PDS5B: variants seen among roughly 807,000 people sequenced by gnomAD.
PDS5B encodes the protein sister chromatid cohesion protein PDS5 homolog B.
PDS5B carries 51 observed loss-of-function variants against 184.1 expected under a neutral mutation model. The observed-to-expected ratio is 0.28, with a 90% CI of 0.22 to 0.35. The LOEUF is 0.35. Among genes scored for constraint, PDS5B ranks in the 10% least tolerant of loss-of-function variants. The pLI, the probability that PDS5B is intolerant of heterozygous loss-of-function variation, is 1.00. For synonymous variants in PDS5B, 566 were observed against 569.2 expected (o/e 0.99, Z 0.08); for missense variants, 1,180 against 1,723.3 (o/e 0.68, Z 5.58).
chr13:32,688,185 A>G (rs1951449582), intron 12 of PDS5B, among the ~76,000 whole-genome samples: 1 of 123,758 alleles, frequency 8.1e-6, no homozygotes, highest in African/African-American at 2.8e-5. Flanking sequence ...TTATACAGAT[A>G]AAGAAAAAAT....
chr13:32,681,573 G>A (rs779929058), intron 10 of PDS5B, among the ~76,000 whole-genome samples: 2 of 151,702 alleles, frequency 1.3e-5, no homozygotes, highest in East Asian at 3.9e-4. Flanking sequence ...GCAGTAAGCC[G>A]AGAGATCGCG....
intron 10 of PDS5B, among the ~76,000 whole-genome samples, chr13:32,679,404 C>T (rs993511242): frequency 2.0e-5 from 3 of 152,054 alleles, no homozygotes; most frequent in Non-Finnish European, 4.4e-5. Flanking sequence ...GAGCACAGGC[C>T]AAGGTGGGCA....
chr13:32,646,800 C>T (rs1566280332), intron 1 of PDS5B, among the ~76,000 whole-genome samples: 1 of 152,044 alleles, frequency 6.6e-6, no homozygotes, highest in Non-Finnish European at 1.5e-5. Context: ...TAAATACTTA[C>T]ACCTCTTAGT....
chr13:32,719,393 C>T (rs953533892), intron 19 of PDS5B, among the ~76,000 whole-genome samples: 13 of 152,084 alleles, frequency 8.5e-5, no homozygotes, highest in Admixed American at 2.0e-4. Context: ...ATGTTGCCCA[C>T]GCTGGTCTTG....
At chr13:32,668,409 A>C (rs760210690) in intron 7 of PDS5B, among the ~76,000 whole-genome samples, 4 of 152,154 alleles carry the variant, frequency 2.6e-5, no homozygotes, top group African/African-American at 4.8e-5. Context: ...CCCCAAATCT[A>C]CTTACTTATG....
chr13:32,595,516 T>G (rs1311848993), intron 1 of PDS5B, among the ~76,000 whole-genome samples: 1 of 152,140 alleles, frequency 6.6e-6, no homozygotes, highest in Non-Finnish European at 1.5e-5. Context: ...AACCACATAC[T>G]TAAACAAATA....
Position 32,770,645 on chromosome 13 carries a change from C to T in PDS5B, c.4065-9C>T. On this transcript the variant is annotated splice_polypyrimidine_tract_variant and intron_variant, in intron 32 of 34. Coordinates refer to ENST00000315596, the MANE Select transcript of PDS5B (RefSeq NM_015032.4). ...GATGCTATCCACATTTGGGTCTTCC[C>T]CAAAGCAGAGCAGAATCTCCTGAAT... The T allele has an allele frequency of 1.2e-6, 2 of 1,607,842 alleles. No individual in the cohort carries two copies. The highest frequency in any genetic ancestry group is 1.7e-6 in the Non-Finnish European group (2 of 1,177,806).
intron 19 of PDS5B, among the ~76,000 whole-genome samples, chr13:32,719,289 C>A (rs745464402): frequency 1.8e-4 from 28 of 152,032 alleles, no homozygotes; most frequent in Non-Finnish European, 2.9e-4. Flanking sequence ...CTCAATCAGT[C>A]CCCCCACCTC....
intron 1 of PDS5B, among the ~76,000 whole-genome samples, chr13:32,605,010 T>C (rs978964863): frequency 1.3e-5 from 2 of 152,172 alleles, no homozygotes; most frequent in South Asian, 2.1e-4. Context: ...TTTGTTGATC[T>C]TTTCAAAAAA....
chr13:32,613,825 G>A (rs2058178784), intron 1 of PDS5B, among the ~76,000 whole-genome samples: 1 of 152,100 alleles, frequency 6.6e-6, no homozygotes, highest in Non-Finnish European at 1.5e-5. Context: ...AGGGTTGTAA[G>A]GATTTAAATC....
intron 7 of PDS5B, among the ~76,000 whole-genome samples, chr13:32,669,277 G>GT (rs1322611651): frequency 9.5e-4 from 137 of 144,428 alleles, no homozygotes; most frequent in African/African-American, 1.0e-3. Flanking sequence ...TGCCAAGCCA[G>GT]TTTTTTTTTT....
intron 14 of PDS5B, among the ~76,000 whole-genome samples, chr13:32,696,453 T>G (rs996522868): frequency 6.6e-6 from 1 of 152,060 alleles, no homozygotes; most frequent in African/African-American, 2.4e-5. Flanking sequence ...ACATCTTAAT[T>G]GTCTTTCTCC....
chr13:32,611,503 CT>C (rs35825698), intron 1 of PDS5B, among the ~76,000 whole-genome samples: 2,002 of 110,810 alleles, frequency 0.018, 29 homozygotes, highest in African/African-American at 0.053. Flanking sequence ...TTGGTTAAAA[CT>C]TTTTTTTTTT....
rs1474151532 is a variant in PDS5B at position 32,586,766 on chromosome 13, G to T, written c.-20+173G>T. On this transcript the variant is annotated intron_variant, in intron 1 of 34. Transcript: ENST00000315596. Reference sequence around the variant, plus strand: ...CCGGCATCGGGGGCTGCAGCGGGTGGCTGCCTGGCGGTGGCCCGGGGCGGG... The same window carrying T: ...CCGGCATCGGGGGCTGCAGCGGGTGTCTGCCTGGCGGTGGCCCGGGGCGGG... Among the ~76,000 whole-genome samples the T allele has an allele frequency of 3.4e-5, 5 of 148,170 alleles. No individual in the cohort carries two copies. In the East Asian group the frequency reaches 1.0e-3, roughly 30 times the overall value.
chr13:32,639,896 A>C (rs1393318781), intron 1 of PDS5B, among the ~76,000 whole-genome samples: 1 of 152,250 alleles, frequency 6.6e-6, no homozygotes, highest in African/African-American at 2.4e-5. Context: ...GATTTCTGTG[A>C]CTGTGAATTT....
At chr13:32,640,054 AT>A (rs1279759112) in intron 1 of PDS5B, among the ~76,000 whole-genome samples, 1 of 152,166 alleles carries the variant, frequency 6.6e-6, no homozygotes, top group African/African-American at 2.4e-5. Flanking sequence ...TTCAGTGAAA[AT>A]ATCTTACATA....
intron 24 of PDS5B, among the ~76,000 whole-genome samples, chr13:32,752,917 G>A (rs998958294): frequency 1.3e-5 from 2 of 152,126 alleles, no homozygotes; most frequent in East Asian, 3.9e-4. Context: ...ACCATGCCCA[G>A]CTAGAGTTGT....
At chr13:32,648,461 A>G (rs1307284434) in intron 1 of PDS5B, among the ~76,000 whole-genome samples, 1 of 152,094 alleles carries the variant, frequency 6.6e-6, no homozygotes, top group Non-Finnish European at 1.5e-5. Context: ...TTTAAAAAGT[A>G]TTTATTTTTT....
chr13:32,726,611 C>T (rs1025148905), intron 19 of PDS5B, among the ~76,000 whole-genome samples: 3 of 152,220 alleles, frequency 2.0e-5, no homozygotes, highest in Non-Finnish European at 4.4e-5. Context: ...AAATATGTCT[C>T]TTCCTAACTC....
Sources: gnomAD v4.1 joint callset for allele counts (sites outside exome capture counted in the v4.1 genomes callset) on GRCh38, gnomAD v4.1.1 for gene constraint, MANE v1.5 for transcripts, NCBI Gene and HGNC (gene_info 2026-07-23, HGNC 2026-07-21) for gene names.